ZNF43: variants seen among roughly 807,000 people sequenced by gnomAD.
ZNF43 encodes the protein zinc finger protein 43, also known as zinc finger protein 39-like 1 (KOX 27).
Under a neutral mutation model 68.4 loss-of-function variants are expected in ZNF43, and 44 were observed. The ratio of observed to expected loss-of-function variants is 0.64; its 90% CI spans 0.51 to 0.83. The LOEUF (loss-of-function observed/expected upper bound fraction) is 0.83. ZNF43 is among the 40% of genes least tolerant of loss of function. The pLI is 0.00. For synonymous variants in ZNF43, 308 were observed against 307.8 expected (o/e 1.00, Z -0.01); for missense variants, 896 against 933.2 (o/e 0.96, Z 0.52).
chr19:21,843,209 G>T, intron 1 of ZNF43: 1 of 190,478 alleles, frequency 5.2e-6, no homozygotes. Flanking sequence ...AAGAGTATAG[G>T]GTCACATGAT....
Position 21,852,031 on chromosome 19 carries a change from G to C in ZNF43, c.-97C>G. 7 of 1,386,754 alleles carry C rather than the reference G, an allele frequency of 5.0e-6. No individual in the cohort carries two copies. The South Asian group carries it at 9.1e-5, about 18-fold the overall frequency. 85.9% of individuals were successfully genotyped at this position (1,386,754 alleles called of 1,614,324 possible). ...CCGAGTTGGAGAACGCGGAAAAGCA[G>C]AGGCGGGTCCCAAGGTCTAGCGGGA... On this transcript the variant is annotated 5_prime_UTR_variant, in exon 1 of 4. Coordinates refer to the ZNF43 transcript ENST00000357491.
At chr19:21,824,457 G>A (rs2038011168) in intron 1 of ZNF43, among the ~76,000 whole-genome samples, 1 of 152,104 alleles carries the variant, frequency 6.6e-6, no homozygotes, top group Non-Finnish European at 1.5e-5. Context: ...AGCAAAATCT[G>A]AAAAGTTCAA....
intron 1 of ZNF43, chr19:21,851,141 G>A (rs1440544186): frequency 6.6e-6 from 1 of 152,150 alleles, no homozygotes; most frequent in Non-Finnish European, 1.5e-5. Context: ...ACTGAATCTT[G>A]GTCTGAGAGT....
At chr19:21,825,060 AC>A (rs986388084) in intron 1 of ZNF43, among the ~76,000 whole-genome samples, 23 of 152,022 alleles carry the variant, frequency 1.5e-4, no homozygotes, top group African/African-American at 5.6e-4. Flanking sequence ...ACACAGTAAA[AC>A]CCTGTTTCTA....
At chr19:21,838,431 G>A (rs185803471), upstream of ZNF43, among the ~76,000 whole-genome samples, 42 of 144,080 alleles carry the variant, frequency 2.9e-4, no homozygotes, top group African/African-American at 1.1e-3. Flanking sequence ...ATACAGTCTC[G>A]CTCTATTACC....
intron 3 of ZNF43, chr19:21,811,993 AACTAC>A (rs2037296504): frequency 2.5e-6 from 1 of 398,586 alleles, no homozygotes; most frequent in African/African-American, 2.1e-5. Context: ...AGAAAAATTT[AACTAC>A]ACTATACCTC....
chr19:21,839,355 A>AAG (rs1555726812), upstream of ZNF43, among the ~76,000 whole-genome samples: 2,371 of 145,644 alleles, frequency 0.016, 61 homozygotes, highest in East Asian at 0.073. Context: ...AAAAAAAAAA[A>AAG]AGAGATCACA....
At chr19:21,843,651 T>C (rs145555335) in intron 1 of ZNF43, among the ~76,000 whole-genome samples, 9 of 152,170 alleles carry the variant, frequency 5.9e-5, no homozygotes, top group African/African-American at 1.7e-4. Context: ...TAGCTGGATA[T>C]GGTGGCGGGC....
chr19:21,845,639 A>T (rs1967897261), intron 1 of ZNF43: 1 of 152,162 alleles, frequency 6.6e-6, no homozygotes, highest in Admixed American at 6.6e-5. Flanking sequence ...CACGCCTGTA[A>T]TCTTAGCACT....
intron 1 of ZNF43, among the ~76,000 whole-genome samples, chr19:21,835,757 C>G (rs368939414): frequency 2.7e-4 from 41 of 152,200 alleles, no homozygotes; most frequent in Admixed American, 2.7e-3. Flanking sequence ...TCTCTCCTGA[C>G]GACCCTCCTG....
chr19:21,841,324 T>G (rs1275915780), intron 1 of ZNF43: 2 of 152,294 alleles, frequency 1.3e-5, no homozygotes, highest in East Asian at 3.9e-4. Context: ...GTCGGAAATA[T>G]GTCACAATTT....
intron 1 of ZNF43, among the ~76,000 whole-genome samples, chr19:21,819,921 G>A (rs1369019885): frequency 2.0e-5 from 3 of 152,076 alleles, no homozygotes; most frequent in Middle Eastern, 3.4e-3. Context: ...TAATATGGCC[G>A]GGCATGGTGG....
chr19:21,824,472 CCA>C (rs1281454676), intron 1 of ZNF43, among the ~76,000 whole-genome samples: 2 of 152,092 alleles, frequency 1.3e-5, no homozygotes, highest in Non-Finnish European at 2.9e-5. Flanking sequence ...GTTCAAAAAG[CCA>C]CACTCTCAAA....
chr19:21,839,657 G>A (rs1441241774), upstream of ZNF43: 1 of 152,174 alleles, frequency 6.6e-6, no homozygotes, highest in Non-Finnish European at 1.5e-5. Context: ...GGAAAGAAGG[G>A]TCAAATTATT....
chr19:21,844,921 A>AAAT (rs1310761266), intron 1 of ZNF43, among the ~76,000 whole-genome samples: 14 of 26,048 alleles, frequency 5.4e-4, no homozygotes, highest in African/African-American at 1.7e-3. Flanking sequence ...AAAAAAAAAA[A>AAAT]ATATATATAT....
chr19:21,827,662 ATT>A (rs74174045), intron 1 of ZNF43, among the ~76,000 whole-genome samples: 8 of 128,238 alleles, frequency 6.2e-5, no homozygotes, highest in Admixed American at 1.6e-4. Context: ...GCGCCTGGCC[ATT>A]TTTTTTTTTT....
chr19:21,825,667 A>G (rs1351070714), intron 1 of ZNF43, among the ~76,000 whole-genome samples: 1 of 151,666 alleles, frequency 6.6e-6, no homozygotes, highest in African/African-American at 2.4e-5. Context: ...TCATGTCCTC[A>G]TGTCTACTCA....
intron 1 of ZNF43, among the ~76,000 whole-genome samples, chr19:21,829,071 C>G (rs141171541): frequency 7.4e-6 from 1 of 134,838 alleles, no homozygotes; most frequent in African/African-American, 2.9e-5. Context: ...AAAAATTAGC[C>G]GGACGTGGTG....
At chr19:21,828,676 C>T (rs2145293550) in intron 1 of ZNF43, among the ~76,000 whole-genome samples, 1 of 151,270 alleles carries the variant, frequency 6.6e-6, no homozygotes, top group South Asian at 2.1e-4. Context: ...GAGATCATGC[C>T]ATTGTACTCC....
Sources: allele counts gnomAD v4.1 joint callset (sites outside exome capture counted in the v4.1 genomes callset), GRCh38; gene constraint gnomAD v4.1.1; transcripts MANE v1.5; gene names NCBI Gene and HGNC (gene_info 2026-07-23, HGNC 2026-07-21).